Variants in UBE2G1 observed in about 807,000 individuals in gnomAD.
UBE2G1 encodes the protein ubiquitin conjugating enzyme E2 G1.
Under a neutral mutation model 22.7 loss-of-function variants are expected in UBE2G1, and 5 were observed. The ratio of observed to expected loss-of-function variants is 0.22; its 90% confidence interval spans 0.12 to 0.46. UBE2G1 has a LOEUF of 0.46. Ranked by LOEUF, UBE2G1 falls within the 20% of genes least tolerant of loss-of-function variation. The pLI, the probability that UBE2G1 is intolerant of heterozygous loss-of-function variation, is 0.99. For missense variants in UBE2G1, 88 were observed against 203.9 expected, an observed-to-expected ratio of 0.43 and a Z score of 3.46; for synonymous variants, 74 against 67.5, an observed-to-expected ratio of 1.10 and a Z score of -0.47.
At chr17:4,366,207 G>C in intron 1 of UBE2G1, 64 bp downstream of exon 1, 1 of 1,471,988 alleles carries the variant, frequency 6.8e-7, no homozygotes, top group Non-Finnish European at 9.0e-7. Flanking sequence ...GAGGAGAAGA[G>C]GGACTGGGCT....
At chr17:4,273,103 A>C (rs1968779572) in intron 5 of UBE2G1, among the ~76,000 whole-genome samples, 1 of 152,216 alleles carries the variant, frequency 6.6e-6, no homozygotes, top group Admixed American at 6.5e-5. Context: ...AAGTGTTTCA[A>C]ATCTGTTGGC....
intron 2 of UBE2G1, among the ~76,000 whole-genome samples, chr17:4,298,894 A>C (rs1329481705): frequency 6.6e-6 from 1 of 152,200 alleles, no homozygotes; most frequent in Non-Finnish European, 1.5e-5. Flanking sequence ...AGGAAGAAGC[A>C]TGAGGGCTTG....
At chr17:4,281,485 T>G (rs1455185959) in intron 5 of UBE2G1, among the ~76,000 whole-genome samples, 1 of 151,986 alleles carries the variant, frequency 6.6e-6, no homozygotes, top group East Asian at 1.9e-4. Flanking sequence ...AGACTCAAGA[T>G]GTGCCATGGA....
chr17:4,339,848 TC>T (rs1296925598), intron 1 of UBE2G1, among the ~76,000 whole-genome samples: 62 of 149,234 alleles, frequency 4.2e-4, no homozygotes, highest in Non-Finnish European at 1.2e-4. Context: ...AAACTGCATC[TC>T]AAAAAAAAAA....
intron 5 of UBE2G1, among the ~76,000 whole-genome samples, chr17:4,279,788 TATATATATATATATATATATATATATA>T (rs1968863744): frequency 8.8e-6 from 1 of 113,234 alleles, no homozygotes; most frequent in African/African-American, 5.8e-5. Context: ...AAAAAAGTTA[TATATATATATATATATATATATATATA>T]TATATATATA....
chr17:4,362,169 T>C (rs1457085420), intron 1 of UBE2G1, among the ~76,000 whole-genome samples: 1 of 152,186 alleles, frequency 6.6e-6, no homozygotes, highest in Non-Finnish European at 1.5e-5. Context: ...ACTGCAAAAC[T>C]TGAATTGCCA....
At chr17:4,360,934 T>C (rs563585263) in intron 1 of UBE2G1, among the ~76,000 whole-genome samples, 4 of 150,288 alleles carry the variant, frequency 2.7e-5, no homozygotes, top group African/African-American at 4.9e-5. Flanking sequence ...ATCTATGCAA[T>C]AGACGGGCTG....
rs1020196857 is a variant in UBE2G1 at position 4,336,620 on chromosome 17, A to G, written c.47-29497T>C. On this transcript the variant is annotated intron_variant, in intron 1 of 5. Coordinates refer to ENST00000396981, the MANE Select transcript of UBE2G1 (RefSeq NM_003342.5). ...AGGCTCACTGCAACCTCCACCTCCC[A>G]GGTTCAAGTGATTCTCCTGCCTCAG... Among the ~76,000 whole-genome samples, 11 of 152,052 alleles carry G rather than the reference A, an allele frequency of 7.2e-5. No homozygotes were observed. The East Asian group carries it at 2.1e-3, about 29-fold the overall frequency.
rs1567518287 is a variant in UBE2G1, at chr17:4,300,935, A to AG, written c.150-4122_150-4121insC. Reference sequence around the variant, plus strand: ...GCAACAGAGTCAGACTCTGTTTTCAAACAAAAAAAAAAGAGAGAGAGAGAT... The same window carrying AG: ...GCAACAGAGTCAGACTCTGTTTTCAAGACAAAAAAAAAAGAGAGAGAGAGAT... On this transcript the variant is annotated intron_variant, in intron 2 of 5. Transcript: ENST00000396981. 1.1e-3 allele frequency among the ~76,000 whole-genome samples: 172 copies of AG among 150,410 alleles called. 1 individual carries two copies. The highest frequency in any genetic ancestry group is 4.0e-3 in the African/African-American group (163 of 40,780).
intron 4 of UBE2G1, among the ~76,000 whole-genome samples, chr17:4,288,914 C>T (rs1007943316): frequency 6.6e-5 from 10 of 152,050 alleles, no homozygotes; most frequent in Non-Finnish European, 1.3e-4. Context: ...GTGGCTCACA[C>T]ATGTAATCGG....
chr17:4,361,007 G>A (rs547595665), intron 1 of UBE2G1, among the ~76,000 whole-genome samples: 12 of 152,336 alleles, frequency 7.9e-5, no homozygotes, highest in African/African-American at 2.9e-4. Flanking sequence ...CAGATCACCT[G>A]AGGTCAGGAG....
At chr17:4,343,619 C>T (rs573305092) in intron 1 of UBE2G1, among the ~76,000 whole-genome samples, 7 of 151,358 alleles carry the variant, frequency 4.6e-5, no homozygotes, top group Non-Finnish European at 1.0e-4. Context: ...GACGGAGTCT[C>T]GCTCTGTCGC....
At chr17:4,363,727 C>T (rs545180519) in intron 1 of UBE2G1, among the ~76,000 whole-genome samples, 4 of 151,866 alleles carry the variant, frequency 2.6e-5, no homozygotes, top group East Asian at 1.9e-4. Context: ...CTGAGACGGG[C>T]GGATCACGAG....
chr17:4,296,011 C>T (rs1160129908), intron 3 of UBE2G1, among the ~76,000 whole-genome samples: 2 of 149,680 alleles, frequency 1.3e-5, no homozygotes, highest in Non-Finnish European at 3.0e-5. Context: ...CCTATGAATA[C>T]ACATAGAAGA....
chr17:4,311,443 T>C (rs1015066425), intron 1 of UBE2G1, among the ~76,000 whole-genome samples: 9 of 152,270 alleles, frequency 5.9e-5, no homozygotes, highest in Admixed American at 1.3e-4. Context: ...CTGCAGTATA[T>C]ACATACAATG....
At chr17:4,317,660 T>C (rs574326809) in intron 1 of UBE2G1, among the ~76,000 whole-genome samples, 1 of 152,340 alleles carries the variant, frequency 6.6e-6, no homozygotes, top group South Asian at 2.1e-4. Flanking sequence ...CCAAAGGGAT[T>C]TGCTTGGCAG....
chr17:4,322,430 A>G (rs1969451384), intron 1 of UBE2G1, among the ~76,000 whole-genome samples: 1 of 152,230 alleles, frequency 6.6e-6, no homozygotes. Context: ...TTAGGAGATT[A>G]TATTTCTCTA....
intron 5 of UBE2G1, among the ~76,000 whole-genome samples, chr17:4,272,774 CA>C: frequency 6.6e-6 from 1 of 152,170 alleles, no homozygotes. Context: ...TCAGTAGTCA[CA>C]TGTGGCTAGT....
At chr17:4,363,646 T>C (rs1452123850) in intron 1 of UBE2G1, among the ~76,000 whole-genome samples, 1 of 152,118 alleles carries the variant, frequency 6.6e-6, no homozygotes, top group African/African-American at 2.4e-5. Flanking sequence ...ATGTTTATCT[T>C]TTCCATTATG....
Sources: gnomAD v4.1 joint callset for allele counts (sites outside exome capture counted in the v4.1 genomes callset) on GRCh38, gnomAD v4.1.1 for gene constraint, MANE v1.5 for transcripts, NCBI Gene and HGNC (gene_info 2026-07-23, HGNC 2026-07-21) for gene names.